HFM1: variants seen among roughly 807,000 people sequenced by gnomAD.
HFM1 encodes the protein probable ATP-dependent DNA helicase HFM1.
HFM1 carries 169 observed loss-of-function variants against 192.1 expected under a neutral mutation model. The observed-to-expected ratio is 0.88, with a 90% CI of 0.78 to 1.00. HFM1 has a LOEUF of 1.00. HFM1 is among the 50% of genes least tolerant of loss of function. The pLI, the probability that HFM1 is intolerant of heterozygous loss-of-function variation, is 0.00. For missense variants in HFM1, 1,661 were observed against 1,668.0 expected, an observed-to-expected ratio of 1.00 and a Z score of 0.07; for synonymous variants, 525 against 537.8, an observed-to-expected ratio of 0.98 and a Z score of 0.33.
chr1:91,404,579 A>T (rs1265632793), intron 1 of HFM1: 2 of 258,572 alleles, frequency 7.7e-6, no homozygotes, highest in African/African-American at 2.4e-5. Context: ...CGCAGGCCTC[A>T]CCGCTTTCTG....
At position 91,313,420 on chromosome 1, in the gene HFM1, T is replaced by C. The variant is rs773217064; in HGVS notation, c.3320A>G (p.Gln1107Arg). 67 of 1,600,424 alleles carry C rather than the reference T, an allele frequency of 4.2e-5. No homozygotes were observed. In the East Asian group the frequency reaches 8.3e-4, roughly 20 times the overall value. ...PKRFGNQITM[Q>R]RKSETQISHS... ...GGAAATCTGTGTTTCAGATTTTCTT[T>C]GCATAGTGATTTGATTTCCAAACCT... Residue 1107 changes from glutamine to arginine, a missense_variant, in exon 30 of 39, where the codon CAA becomes CGA. Coordinates refer to ENST00000370425, the MANE Select transcript of HFM1 (RefSeq NM_001017975.6).
chr1:91,290,365 G>A (rs1668598820), intron 30 of HFM1, among the ~76,000 whole-genome samples: 1 of 152,038 alleles, frequency 6.6e-6, no homozygotes, highest in Admixed American at 6.6e-5. Context: ...GATCTACCAA[G>A]CAAATGGAAA....
At chr1:91,359,577 A>G (rs1030849870) in intron 13 of HFM1, among the ~76,000 whole-genome samples, 2 of 151,592 alleles carry the variant, frequency 1.3e-5, no homozygotes, top group African/African-American at 4.8e-5. Flanking sequence ...AAGGAAGAAG[A>G]AGAATGAAAA....
At chr1:91,288,922 G>A (rs1411352594) in intron 30 of HFM1, among the ~76,000 whole-genome samples, 3 of 152,164 alleles carry the variant, frequency 2.0e-5, no homozygotes, top group Non-Finnish European at 4.4e-5. Flanking sequence ...CGGCCGGGCA[G>A]AGGGGCTCCT....
chr1:91,352,710 T>C (rs1571065155), intron 15 of HFM1, 59 bp from the exon 16 acceptor site: 1 of 1,270,232 alleles, frequency 7.9e-7, no homozygotes, highest in East Asian at 2.6e-5. Context: ...TTCAGGAACA[T>C]TTTTTAATAA....
chr1:91,263,258 A>C (rs1665337661), intron 36 of HFM1, among the ~76,000 whole-genome samples: 1 of 152,204 alleles, frequency 6.6e-6, no homozygotes, highest in Admixed American at 6.5e-5. Context: ...GATGATCATC[A>C]ATGCATCTCT....
At position 91,319,380 on chromosome 1, in the gene HFM1, C is replaced by A; in HGVS notation, c.2593G>T (p.Ala865Ser). Residue 865 changes from alanine to serine, a missense_variant, in exon 24 of 39, where the codon GCT becomes TCT. Coordinates refer to ENST00000370425, the MANE Select transcript of HFM1 (RefSeq NM_001017975.6). ...TGTATGGGAATGCATCCTAGTTGAG[C>A]CTGAATAAGACTGGGGGAAAGAAAA... ...REMKVNCLIQ[A>S]QLGCIPIQDF... The A allele has an allele frequency of 1.2e-6, 2 of 1,609,902 alleles. No individual in the cohort carries two copies. Among genetic ancestry groups the A allele is most frequent in the Non-Finnish European group, 8.5e-7 (1 of 1,176,336 alleles).
intron 30 of HFM1, among the ~76,000 whole-genome samples, chr1:91,298,122 C>T (rs947185238): frequency 1.3e-5 from 2 of 152,130 alleles, no homozygotes; most frequent in Admixed American, 6.6e-5. Context: ...AACCACAGCA[C>T]AAGAAGTACC....
intron 13 of HFM1, among the ~76,000 whole-genome samples, chr1:91,360,812 A>C (rs1219761978): frequency 6.6e-6 from 1 of 152,218 alleles, no homozygotes. Context: ...ACTTCTCAGC[A>C]AATGTAAAAG....
At chr1:91,261,522 T>C (rs933749651) in intron 38 of HFM1, 163 bp from the exon 39 acceptor site, 1 of 384,768 alleles carries the variant, frequency 2.6e-6, no homozygotes, top group Non-Finnish European at 4.7e-6. Context: ...GTAGGAAGTC[T>C]GTTGGGGAAA....
intron 30 of HFM1, among the ~76,000 whole-genome samples, chr1:91,285,942 G>T (rs762523024): frequency 2.0e-5 from 3 of 151,998 alleles, no homozygotes; most frequent in African/African-American, 7.3e-5. Context: ...TGATCAAATC[G>T]ACGGTCATGG....
chr1:91,390,178 G>A (rs930448996), intron 4 of HFM1, among the ~76,000 whole-genome samples: 2 of 152,054 alleles, frequency 1.3e-5, no homozygotes, highest in Admixed American at 1.3e-4. Context: ...GGTAGCTTAC[G>A]CCTGTAATCC....
intron 36 of HFM1, among the ~76,000 whole-genome samples, chr1:91,264,539 AT>A (rs1218940786): frequency 6.8e-6 from 1 of 148,090 alleles, no homozygotes; most frequent in South Asian, 2.2e-4. Flanking sequence ...CGCCCGGCTA[AT>A]TTTTTTGTAT....
intron 28 of HFM1, among the ~76,000 whole-genome samples, chr1:91,315,052 C>G (rs1453851164): frequency 1.3e-5 from 2 of 152,184 alleles, no homozygotes; most frequent in Non-Finnish European, 2.9e-5. Context: ...AGTCTAGGCT[C>G]TGGATTGGGT....
At chr1:91,365,640 T>C (rs1302060120) in intron 13 of HFM1, among the ~76,000 whole-genome samples, 1 of 152,140 alleles carries the variant, frequency 6.6e-6, no homozygotes, top group African/African-American at 2.4e-5. Flanking sequence ...ATTTTTCTAC[T>C]TCCTTGTTGC....
At chr1:91,370,572 G>T (rs1254085739) in intron 13 of HFM1, among the ~76,000 whole-genome samples, 1 of 152,198 alleles carries the variant, frequency 6.6e-6, no homozygotes, top group African/African-American at 2.4e-5. Context: ...AATAAATTAG[G>T]TATTGATTGG....
chr1:91,285,685 C>A (rs896773450), intron 30 of HFM1, among the ~76,000 whole-genome samples: 2 of 152,026 alleles, frequency 1.3e-5, no homozygotes, highest in Non-Finnish European at 2.9e-5. Flanking sequence ...ATACAGTAGC[C>A]CCCTTCATCC....
intron 13 of HFM1, among the ~76,000 whole-genome samples, chr1:91,357,333 G>A (rs1289557158): frequency 6.6e-6 from 1 of 152,144 alleles, no homozygotes. Context: ...CACATTAACA[G>A]AATGAAAGAT....
At chr1:91,328,411 G>A (rs1289448512) in intron 20 of HFM1, 15 of 1,598,976 alleles carry the variant, frequency 9.4e-6, no homozygotes, top group Non-Finnish European at 1.2e-5. Context: ...CAAACTAATT[G>A]CTGATGTGGC....
Sources: allele counts gnomAD v4.1 joint callset (sites outside exome capture counted in the v4.1 genomes callset), GRCh38; gene constraint gnomAD v4.1.1; transcripts MANE v1.5; gene names NCBI Gene and HGNC (gene_info 2026-07-23, HGNC 2026-07-21).